Variants in EPS8 observed in about 807,000 individuals in gnomAD.
EPS8 encodes EGFR pathway substrate 8, signaling adaptor.
A neutral mutation model predicts 103.8 loss-of-function variants in EPS8; 42 were observed. That is an observed-to-expected ratio of 0.40 (90% CI 0.32 to 0.52). The LOEUF is 0.52. Among genes scored for constraint, EPS8 ranks in the 20% least tolerant of loss-of-function variants. The pLI is 0.40. For synonymous variants in EPS8, 344 were observed against 344.6 expected (o/e 1.00, Z 0.02); for missense variants, 969 against 1,005.1 (o/e 0.96, Z 0.49).
intron 1 of EPS8, among the ~76,000 whole-genome samples, chr12:15,763,191 T>C (rs913615797): frequency 1.3e-5 from 2 of 152,182 alleles, no homozygotes; most frequent in African/African-American, 2.4e-5. Flanking sequence ...TTGTTTTTTT[T>C]CCTAAGACAG....
chr12:15,624,078 A>C, intron 19 of EPS8, 149 bp downstream of exon 19: 1 of 549,648 alleles, frequency 1.8e-6, no homozygotes, highest in Non-Finnish European at 3.2e-6. Flanking sequence ...TCAGCTATGA[A>C]CAGCTATAGT....
At chr12:15,631,059 T>G (rs531068269) in intron 18 of EPS8, among the ~76,000 whole-genome samples, 11 of 152,276 alleles carry the variant, frequency 7.2e-5, no homozygotes, top group African/African-American at 2.6e-4. Flanking sequence ...CTCACACTTA[T>G]CCTATGAAGC....
rs1947298556 is a variant in EPS8 at position 15,785,114 on chromosome 12, G to A, written c.-22+4047C>T. Among the ~76,000 whole-genome samples the A allele has an allele frequency of 6.6e-6, 1 of 152,062 alleles. No homozygotes were observed. The highest frequency in any genetic ancestry group is 1.5e-5 in the Non-Finnish European group (1 of 67,946). On this transcript the variant is annotated intron_variant, in intron 1 of 20. Transcript: ENST00000281172. The surrounding 1 kb of genome is among the most constrained non-coding windows in gnomAD (Gnocchi z 4.9). Reference sequence around the variant, plus strand: ...AGAGTAAACTTTAATGTATGCAAACGTAAGCAAATCATTTAGAAGGTCAAG... The same window carrying A: ...AGAGTAAACTTTAATGTATGCAAACATAAGCAAATCATTTAGAAGGTCAAG...
At position 15,659,246 on chromosome 12, in the gene EPS8, G is replaced by A. The variant is rs563323315; in HGVS notation, c.938-661C>T. ...TAAATCAATAGAACATGGAACTAGC[G>A]TGCTTTACAGCAGAAGAATGAAGTG... On this transcript the variant is annotated intron_variant, in intron 10 of 20. Coordinates refer to ENST00000281172, the MANE Select transcript of EPS8 (RefSeq NM_004447.6). Among the ~76,000 whole-genome samples, 10 of 152,192 alleles carry A rather than the reference G, an allele frequency of 6.6e-5. 1 individual carries two copies. The South Asian group carries it at 1.5e-3, about 22-fold the overall frequency.
intron 1 of EPS8, among the ~76,000 whole-genome samples, chr12:15,768,070 T>G (rs368469106): frequency 3.1e-4 from 47 of 152,166 alleles, no homozygotes; most frequent in African/African-American, 1.1e-3. Context: ...ATCTGGGAGA[T>G]ATCCAATTTT....
intron 1 of EPS8, among the ~76,000 whole-genome samples, chr12:15,707,205 A>G (rs1308348398): frequency 6.6e-6 from 1 of 152,228 alleles, no homozygotes; most frequent in Non-Finnish European, 1.5e-5. Flanking sequence ...ATTTCAGGTC[A>G]GGGGTTGACA....
rs1947026236 is a variant in EPS8, at chr12:15,760,142, A to G, written c.-22+29019T>C. On this transcript the variant is annotated intron_variant, in intron 1 of 20. Transcript: ENST00000281172. The surrounding 1 kb of genome is among the most constrained non-coding windows in gnomAD (Gnocchi z 4.5). ...AGACATTACAGCTGATACCACAGAA[A>G]TTCAAAGGATCATTAGTGGCTACTA... Among the ~76,000 whole-genome samples the G allele has an allele frequency of 6.6e-6, 1 of 152,112 alleles. No individual in the cohort carries two copies. Among genetic ancestry groups the G allele is most frequent in the South Asian group, 2.1e-4 (1 of 4,834 alleles).
intron 1 of EPS8, among the ~76,000 whole-genome samples, chr12:15,719,883 A>G (rs1946575723): frequency 6.6e-6 from 1 of 152,210 alleles, no homozygotes. Context: ...GGCTATGAAA[A>G]ACAGATTAAA....
chr12:15,753,124 C>T (rs1184136796), intron 1 of EPS8, among the ~76,000 whole-genome samples: 1 of 151,844 alleles, frequency 6.6e-6, no homozygotes, highest in Non-Finnish European at 1.5e-5. Context: ...CATGCACCAC[C>T]CCTACCACCC....
In EPS8 at chr12:15,624,424, A is replaced by G; in HGVS notation, c.2045-17T>C. 6.6e-7 allele frequency: 1 copy of G among 1,525,798 alleles called. No homozygotes were observed. Among genetic ancestry groups the G allele is most frequent in the Non-Finnish European group, 8.8e-7 (1 of 1,134,954 alleles). 94.5% of individuals were successfully genotyped at this position (1,525,798 alleles called of 1,614,324 possible). ...ATTTCCTTCCTAGACACCAACAGGG[A>G]GTAGGTTCTTTTTGAAAATCCCTAA... On this transcript the variant is annotated splice_polypyrimidine_tract_variant and intron_variant, in intron 18 of 20. Coordinates refer to ENST00000281172, the MANE Select transcript of EPS8 (RefSeq NM_004447.6).
rs1945044787 is a variant in EPS8 at position 15,631,497 on chromosome 12, G to C, written c.1989C>G (p.Asp663Glu). 1 of 1,613,960 alleles carries C rather than the reference G, an allele frequency of 6.2e-7. No homozygotes were observed. Among genetic ancestry groups the C allele is most frequent in the Non-Finnish European group, 8.5e-7 (1 of 1,180,008 alleles). Residue 663 changes from aspartate to glutamate, a missense_variant, in exon 18 of 21, where the codon GAC (aspartate) becomes GAG (glutamate). Physicochemically the swap from Asp to Glu is conservative, Grantham distance 45. Coordinates refer to ENST00000281172, the MANE Select transcript of EPS8 (RefSeq NM_004447.6). ...TGTCTCGCACGATACTGCCACCACTGTCACTGGAGCTGCTGTTTTGACGTG... is the reference window on the plus strand; with the variant it reads ...TGTCTCGCACGATACTGCCACCACTCTCACTGGAGCTGCTGTTTTGACGTG... Reference protein sequence around the residue: ...NITRQNSSSSDSGGSIVRDSQ... With the variant: ...NITRQNSSSSESGGSIVRDSQ...
chr12:15,657,517 C>T (rs953554406), intron 12 of EPS8, among the ~76,000 whole-genome samples: 1 of 152,142 alleles, frequency 6.6e-6, no homozygotes, highest in East Asian at 1.9e-4. Context: ...AATATAAGTT[C>T]TAAGAAGGTA....
chr12:15,692,975 T>C (rs1250976689), intron 1 of EPS8, among the ~76,000 whole-genome samples: 1 of 152,202 alleles, frequency 6.6e-6, no homozygotes, highest in African/African-American at 2.4e-5. Flanking sequence ...TTTATGACAA[T>C]TTCCTTGTTT....
rs1002206336 is a variant in EPS8 at position 15,781,422 on chromosome 12, A to C, written c.-22+7739T>G. 6.6e-6 allele frequency among the ~76,000 whole-genome samples: 1 copy of C among 152,160 alleles called. No individual in the cohort carries two copies. The highest frequency in any genetic ancestry group is 1.5e-5 in the Non-Finnish European group (1 of 68,028). ...GAGTCAGGTCAGGGTTCTCATCCCA[A>C]TTCGGTCCCTTTCTCCCCATGTGTG... On this transcript the variant is annotated intron_variant, in intron 1 of 20. Transcript: ENST00000281172. This position sits in a 1 kb window ranked among gnomAD's most constrained non-coding sequence, Gnocchi z 4.1.
At chr12:15,631,144 G>A (rs1945038197) in intron 18 of EPS8, among the ~76,000 whole-genome samples, 1 of 152,206 alleles carries the variant, frequency 6.6e-6, no homozygotes. Context: ...AGGTCAGGAA[G>A]CTGGCAAGTG....
chr12:15,656,186 C>G (rs1185265427), intron 12 of EPS8, among the ~76,000 whole-genome samples: 3 of 151,986 alleles, frequency 2.0e-5, no homozygotes, highest in African/African-American at 7.2e-5. Context: ...GCAGCAAAAA[C>G]TTCTTTATAA....
chr12:15,631,695 T>TG (rs1184350340), intron 17 of EPS8, 31 bp from the exon 18 acceptor site: 1 of 1,523,230 alleles, frequency 6.6e-7, no homozygotes, highest in Non-Finnish European at 8.9e-7. Context: ...AACTTAAAAT[T>TG]TAAAAAATAT....
rs936405529 is a variant in EPS8 at position 15,762,823 on chromosome 12, A to C, written c.-22+26338T>G. On this transcript the variant is annotated intron_variant, in intron 1 of 20. Coordinates refer to ENST00000281172, the MANE Select transcript of EPS8 (RefSeq NM_004447.6). The surrounding 1 kb of genome is among the most constrained non-coding windows in gnomAD (Gnocchi z 4.8). ...AATGAGTATTAAAAAATAGTTAAAAAGAATAAGACCTAGTATTTGATAGCA... is the reference window on the plus strand; with the variant it reads ...AATGAGTATTAAAAAATAGTTAAAACGAATAAGACCTAGTATTTGATAGCA... Among the ~76,000 whole-genome samples the C allele has an allele frequency of 1.3e-5, 2 of 152,198 alleles. No homozygotes were observed. The highest frequency in any genetic ancestry group is 4.8e-5 in the African/African-American group (2 of 41,438).
chr12:15,668,166 C>T (rs1433031439), intron 6 of EPS8, among the ~76,000 whole-genome samples: 1 of 152,080 alleles, frequency 6.6e-6, no homozygotes, highest in Non-Finnish European at 1.5e-5. Flanking sequence ...TCAAAAGGCA[C>T]TATACAAAAA....
Sources: allele counts gnomAD v4.1 joint callset (sites outside exome capture counted in the v4.1 genomes callset), GRCh38; gene constraint gnomAD v4.1.1; non-coding constraint Gnocchi (gnomAD v3.1); transcripts MANE v1.5; gene names NCBI Gene and HGNC (gene_info 2026-07-23, HGNC 2026-07-21).